Variants in CHD9 observed in about 807,000 individuals in gnomAD.
CHD9 encodes the protein ATP-dependent chromatin remodeler CHD9.
A neutral mutation model predicts 316.1 loss-of-function variants in CHD9; 77 were observed. That is an observed-to-expected ratio of 0.24 (90% CI 0.20 to 0.29). The LOEUF (loss-of-function observed/expected upper bound fraction) is 0.29. Ranked by LOEUF, CHD9 falls within the 10% of genes least tolerant of loss-of-function variation. The pLI, the probability that CHD9 is intolerant of heterozygous loss-of-function variation, is 1.00. For synonymous variants in CHD9, 1,129 were observed against 1,158.3 expected (o/e 0.97, Z 0.51); for missense variants, 2,763 against 3,438.1 (o/e 0.80, Z 4.91).
At chr16:53,088,694 G>C (rs186024684) in intron 1 of CHD9, among the ~76,000 whole-genome samples, 1 of 152,144 alleles carries the variant, frequency 6.6e-6, no homozygotes, top group Admixed American at 6.5e-5. Flanking sequence ...CCAAATGAAG[G>C]TGAGGCCAGG....
intron 28 of CHD9, among the ~76,000 whole-genome samples, chr16:53,292,161 C>T (rs1372590655): frequency 6.6e-6 from 1 of 152,212 alleles, no homozygotes; most frequent in Non-Finnish European, 1.5e-5. Flanking sequence ...CTACTTCCTT[C>T]TGATATCAAG....
chr16:53,124,866 G>A (rs575504544), intron 1 of CHD9, among the ~76,000 whole-genome samples: 1 of 152,254 alleles, frequency 6.6e-6, no homozygotes, highest in East Asian at 1.9e-4. Flanking sequence ...CCCACTACAC[G>A]TGGGAATTAT....
intron 2 of CHD9, among the ~76,000 whole-genome samples, chr16:53,178,832 T>C (rs35773022): frequency 0.12 from 18,475 of 152,140 alleles, 1,302 homozygotes; most frequent in South Asian, 0.23. Flanking sequence ...AAGCTATATA[T>C]GTACTTGGGA....
chr16:53,309,219 C>T (rs2056250051), intron 34 of CHD9, among the ~76,000 whole-genome samples: 1 of 152,158 alleles, frequency 6.6e-6, no homozygotes, highest in Non-Finnish European at 1.5e-5. Flanking sequence ...ACAGTCCAGG[C>T]ATCTTCAGGA....
intron 2 of CHD9, 139 bp downstream of exon 2, chr16:53,157,680 G>A: frequency 5.0e-6 from 4 of 795,344 alleles, no homozygotes; most frequent in Non-Finnish European, 7.9e-6. Flanking sequence ...TTTTGATATA[G>A]GTTTATATTG....
intron 1 of CHD9, among the ~76,000 whole-genome samples, chr16:53,078,704 C>T (rs1184440200): frequency 6.6e-6 from 1 of 152,170 alleles, no homozygotes; most frequent in East Asian, 1.9e-4. Flanking sequence ...TCCCCAACTC[C>T]CTTGGTCCCT....
Position 53,102,624 on chromosome 16 carries a change from G to T in CHD9, c.-165+47547G>T, listed in dbSNP as rs909917178. 1.4e-4 allele frequency among the ~76,000 whole-genome samples: 21 copies of T among 152,018 alleles called. 1 individual carries two copies. Among genetic ancestry groups the T allele is most frequent in the African/African-American group, 5.1e-4 (21 of 41,398 alleles). ...CAGCACTTTCAGAGGCCAGAGGTGG[G>T]AGAATCACTTGAGGCCAGTCTTCAA... is the stretch of plus-strand genomic sequence containing the variant. On this transcript the variant is annotated intron_variant, in intron 1 of 38. Coordinates refer to ENST00000447540, the MANE Select transcript of CHD9 (RefSeq NM_001308319.2).
At chr16:53,225,044 C>A (rs1223310072) in intron 4 of CHD9, among the ~76,000 whole-genome samples, 3 of 152,086 alleles carry the variant, frequency 2.0e-5, no homozygotes, top group African/African-American at 7.2e-5. Flanking sequence ...GTACATTTGG[C>A]TGACCATATG....
intron 2 of CHD9, among the ~76,000 whole-genome samples, chr16:53,191,626 T>C (rs1329122630): frequency 2.0e-5 from 3 of 152,178 alleles, no homozygotes; most frequent in Non-Finnish European, 4.4e-5. Flanking sequence ...TTATGACTGA[T>C]TGGCTTTCCA....
At chr16:53,078,190 C>A (rs762563112) in intron 1 of CHD9, among the ~76,000 whole-genome samples, 5 of 152,172 alleles carry the variant, frequency 3.3e-5, no homozygotes, top group Admixed American at 6.5e-5. Context: ...AAACTTTGTA[C>A]TTGCTATGGT....
intron 1 of CHD9, among the ~76,000 whole-genome samples, chr16:53,114,151 A>G (rs2038088566): frequency 6.6e-6 from 1 of 152,178 alleles, no homozygotes; most frequent in African/African-American, 2.4e-5. Context: ...CCATAACAAA[A>G]ACATATGAAC....
chr16:53,284,993 C>G (rs1246986725), intron 24 of CHD9, among the ~76,000 whole-genome samples: 1 of 152,052 alleles, frequency 6.6e-6, no homozygotes, highest in East Asian at 1.9e-4. Flanking sequence ...TCTTGTACTC[C>G]TGGGTTCAAG....
At chr16:53,137,620 C>T (rs1035816575) in intron 1 of CHD9, among the ~76,000 whole-genome samples, 2 of 152,132 alleles carry the variant, frequency 1.3e-5, no homozygotes, top group Admixed American at 1.3e-4. Flanking sequence ...AAATTTTGTG[C>T]TCTTCTTTAA....
chr16:53,193,444 G>A (rs1597373732), intron 2 of CHD9, among the ~76,000 whole-genome samples: 2 of 146,866 alleles, frequency 1.4e-5, no homozygotes, highest in African/African-American at 5.0e-5. Flanking sequence ...GTGAGACTCT[G>A]TCCCAAAATA....
chr16:53,124,248 T>C (rs920291459), intron 1 of CHD9, among the ~76,000 whole-genome samples: 5 of 152,148 alleles, frequency 3.3e-5, no homozygotes, highest in Non-Finnish European at 5.9e-5. Context: ...TTTGTATTAC[T>C]CTGTTCTCAT....
At chr16:53,260,751 G>A (rs958171331) in intron 19 of CHD9, among the ~76,000 whole-genome samples, 1 of 152,096 alleles carries the variant, frequency 6.6e-6, no homozygotes, top group African/African-American at 2.4e-5. Context: ...AAGACTGCCT[G>A]CATTCCTTGG....
intron 1 of CHD9, among the ~76,000 whole-genome samples, chr16:53,097,859 A>C (rs1190356259): frequency 6.6e-6 from 1 of 152,214 alleles, no homozygotes; most frequent in Non-Finnish European, 1.5e-5. Context: ...GGTGGCTCAC[A>C]CTGTAATCCC....
intron 2 of CHD9, chr16:53,208,708 G>A (rs777226060): frequency 4.1e-6 from 4 of 986,760 alleles, no homozygotes; most frequent in Non-Finnish European, 3.6e-6. Context: ...GCATGTTTAC[G>A]GGTAAGAACA....
chr16:53,305,797 G>T (rs373761297), intron 31 of CHD9, among the ~76,000 whole-genome samples: 2 of 152,062 alleles, frequency 1.3e-5, no homozygotes, highest in African/African-American at 4.8e-5. Context: ...CATAACTTTC[G>T]GGGTTGCCGC....
Sources: gnomAD v4.1 joint callset for allele counts (sites outside exome capture counted in the v4.1 genomes callset) on GRCh38, gnomAD v4.1.1 for gene constraint, MANE v1.5 for transcripts, NCBI Gene and HGNC (gene_info 2026-07-23, HGNC 2026-07-21) for gene names.